Variants in RYR3 observed in about 807,000 individuals in gnomAD.
The protein encoded by RYR3 is brain ryanodine receptor-calcium release channel.
In RYR3, 207 loss-of-function variants were observed where a neutral mutation model predicts 584.3. The observed-to-expected ratio is 0.35, with a 90% CI of 0.32 to 0.40. The LOEUF (loss-of-function observed/expected upper bound fraction) is 0.40, where lower values mean the gene tolerates loss of function less well. Among genes scored for constraint, RYR3 ranks in the 10% least tolerant of loss-of-function variants. The pLI is 1.00. For missense variants in RYR3, 5,616 were observed against 6,089.2 expected (o/e 0.92, Z 2.59); for synonymous variants, 2,416 against 2,248.5 (o/e 1.07, Z -2.11).
intron 1 of RYR3, among the ~76,000 whole-genome samples, chr15:33,342,139 G>A (rs1316321940): frequency 6.6e-6 from 1 of 152,232 alleles, no homozygotes; most frequent in Non-Finnish European, 1.5e-5. Flanking sequence ...TGCCCCCACA[G>A]CTGTAGTGGG....
chr15:33,784,225 C>T (rs1256335584), intron 65 of RYR3, among the ~76,000 whole-genome samples: 1 of 152,218 alleles, frequency 6.6e-6, no homozygotes, highest in African/African-American at 2.4e-5. Flanking sequence ...GCTCCATGCA[C>T]TATAACCATG....
intron 27 of RYR3, among the ~76,000 whole-genome samples, chr15:33,636,808 T>C (rs1359742455): frequency 6.6e-6 from 1 of 152,224 alleles, no homozygotes; most frequent in Admixed American, 6.5e-5. Flanking sequence ...CCCTCCCCTG[T>C]GTCTTGGCAT....
chr15:33,458,407 G>C (rs991068858), intron 1 of RYR3, among the ~76,000 whole-genome samples: 5 of 152,282 alleles, frequency 3.3e-5, no homozygotes, highest in African/African-American at 7.2e-5. Context: ...TTGAACTCCA[G>C]GACTACTTAT....
intron 1 of RYR3, among the ~76,000 whole-genome samples, chr15:33,334,076 G>T (rs960984291): frequency 6.6e-6 from 1 of 152,170 alleles, no homozygotes; most frequent in African/African-American, 2.4e-5. Flanking sequence ...TGGATAGGAA[G>T]AATCAATGTT....
rs948945837 is a variant in RYR3, at chr15:33,570,648, T to G, written c.1268+3849T>G. 9.2e-5 allele frequency among the ~76,000 whole-genome samples: 14 copies of G among 152,290 alleles called. 1 individual carries two copies. Among genetic ancestry groups the G allele is most frequent in the Admixed American group, 9.2e-4 (14 of 15,292 alleles). On this transcript the variant is annotated intron_variant, in intron 12 of 103. Transcript: ENST00000634891. ...ATTCTGCTGGAATTTTGATGGGTAT[T>G]AAATTGAATCTAGAGATCAGTTTTG...
chr15:33,798,081 G>T (rs200771100), intron 67 of RYR3, among the ~76,000 whole-genome samples: 2 of 87,822 alleles, frequency 2.3e-5, no homozygotes, highest in African/African-American at 5.2e-5. Flanking sequence ...TTGTCTGTCT[G>T]TCTTTTATTT....
At chr15:33,821,811 G>A (rs949113019) in intron 80 of RYR3, among the ~76,000 whole-genome samples, 1 of 152,134 alleles carries the variant, frequency 6.6e-6, no homozygotes, top group Non-Finnish European at 1.5e-5. Context: ...TAATAAAGAG[G>A]TTTTATCCAG....
intron 1 of RYR3, among the ~76,000 whole-genome samples, chr15:33,319,470 T>A (rs962446476): frequency 6.6e-6 from 1 of 152,186 alleles, no homozygotes; most frequent in African/African-American, 2.4e-5. Flanking sequence ...CTCTCTTCTG[T>A]CCAGGCTGGC....
chr15:33,801,791 C>T, intron 68 of RYR3, 78 bp from the exon 69 acceptor site: 1 of 749,136 alleles, frequency 1.3e-6, no homozygotes, highest in Non-Finnish European at 2.3e-6. Context: ...TATTCCGTTA[C>T]TTGGGGAGCT....
chr15:33,648,759 C>A (rs1021643735), intron 30 of RYR3, among the ~76,000 whole-genome samples: 1 of 152,244 alleles, frequency 6.6e-6, no homozygotes, highest in African/African-American at 2.4e-5. Flanking sequence ...TTCTGAGCAG[C>A]TGCCACTGCT....
intron 1 of RYR3, 125 bp from the exon 2 acceptor site, chr15:33,473,294 A>G (rs968256529): frequency 8.8e-7 from 1 of 1,138,716 alleles, no homozygotes; most frequent in Non-Finnish European, 1.3e-6. Flanking sequence ...AGGTTTAAAA[A>G]TAAAAACAAA....
chr15:33,494,313 A>G (rs1017548991), intron 2 of RYR3, among the ~76,000 whole-genome samples: 93 of 152,272 alleles, frequency 6.1e-4, no homozygotes, highest in African/African-American at 2.2e-3. Flanking sequence ...AAATTTGATA[A>G]CCTTCTCCAA....
chr15:33,458,371 C>T (rs765933711), intron 1 of RYR3, among the ~76,000 whole-genome samples: 16 of 152,142 alleles, frequency 1.1e-4, no homozygotes, highest in African/African-American at 3.6e-4. Context: ...TGCCCTTGGA[C>T]CTTGTTGCTC....
At chr15:33,570,080 TTTGATTAAGTTCAG>T (rs1309390461) in intron 12 of RYR3, among the ~76,000 whole-genome samples, 4 of 152,112 alleles carry the variant, frequency 2.6e-5, no homozygotes, top group Non-Finnish European at 4.4e-5. Context: ...CGTTTTAATT[TTTGATTAAGTTCAG>T]TTTAACATAT....
chr15:33,571,955 A>G (rs2058050042), intron 12 of RYR3, among the ~76,000 whole-genome samples: 1 of 152,120 alleles, frequency 6.6e-6, no homozygotes, highest in Non-Finnish European at 1.5e-5. Context: ...TTTTAAAAAT[A>G]CTTTTTTGAG....
At position 33,663,026 on chromosome 15, in the gene RYR3, T is replaced by C. The variant is rs1596037093; in HGVS notation, c.5418+78T>C. The C allele has an allele frequency of 3.8e-6, 5 of 1,320,744 alleles. No homozygotes were observed. The East Asian group carries it at 1.2e-4, about 31-fold the overall frequency. 81.8% of individuals were successfully genotyped at this position (1,320,744 alleles called of 1,614,324 possible). ...CAAAATATCAGGAACACACTGAGGA[T>C]TAAAGGAGGTAAGGTATGTCAAGTG... On this transcript the variant is annotated intron_variant, in intron 35 of 103. Coordinates refer to ENST00000634891, the MANE Select transcript of RYR3 (RefSeq NM_001036.6).
chr15:33,551,046 T>A (rs1529850), intron 10 of RYR3, among the ~76,000 whole-genome samples: 11 of 152,052 alleles, frequency 7.2e-5, no homozygotes, highest in South Asian at 4.2e-4. Context: ...AGAAACCGCC[T>A]CCTTTAAGGT....
intron 2 of RYR3, among the ~76,000 whole-genome samples, chr15:33,474,795 A>C (rs2049234779): frequency 6.6e-6 from 1 of 152,192 alleles, no homozygotes; most frequent in African/African-American, 2.4e-5. Context: ...AGACATACAC[A>C]GAGAGTTTGG....
chr15:33,503,849 A>T (rs763383113), intron 3 of RYR3, 111 bp downstream of exon 3: 3 of 663,846 alleles, frequency 4.5e-6, no homozygotes, highest in East Asian at 2.7e-5. Context: ...TGTTGAGATG[A>T]TTCATATGGA....
Sources: gnomAD v4.1 joint callset for allele counts (sites outside exome capture counted in the v4.1 genomes callset) on GRCh38, gnomAD v4.1.1 for gene constraint, MANE v1.5 for transcripts, NCBI Gene and HGNC (gene_info 2026-07-23, HGNC 2026-07-21) for gene names.